The following FCRL6 variants were observed in gnomAD, a reference collection of about 807,000 sequenced individuals.
FCRL6 encodes Fc receptor-like protein 6.
In FCRL6, 50 loss-of-function variants were observed where a neutral mutation model predicts 49.1. That is an observed-to-expected ratio of 1.02 (90% CI 0.81 to 1.29). FCRL6 has a LOEUF of 1.29. Among genes scored for constraint, FCRL6 ranks in the 50% most tolerant of loss-of-function variants. FCRL6 has a pLI of 0.00. For synonymous variants in FCRL6, 213 were observed against 199.6 expected, an observed-to-expected ratio of 1.07 and a Z score of -0.57; for missense variants, 571 against 518.5, an observed-to-expected ratio of 1.10 and a Z score of -0.98.
chr1:159,815,574 G>T lies in FCRL6; in HGVS notation c.1218G>T (p.Gln406His). Residue 406 changes from glutamine (Q) to histidine (H), a missense_variant, in exon 10 of 10, where the codon CAG (glutamine) becomes CAT (histidine). Gln to His is a conservative substitution (Grantham distance 24). Coordinates refer to ENST00000368106, the MANE Select transcript of FCRL6 (RefSeq NM_001004310.3). ...TCTGTGCGGAGGTGAGATGCCTGCA[G>T]CCCAGTGAGGTTTCATCCACGGAGG... ...SIICAEVRCL[Q>H]PSEVSSTEVN... 9 of 1,614,212 alleles carry T rather than the reference G, an allele frequency of 5.6e-6. No individual in the cohort carries two copies. The highest frequency in any genetic ancestry group is 6.8e-6 in the Non-Finnish European group (8 of 1,180,028).
In FCRL6 at chr1:159,802,408, G is replaced by C. The variant is rs371396895; in HGVS notation, c.-17G>C. ...GTTTCTGACCTGTGTTCCCTCCGCT[G>C]TGCCAGAACAGGCCCCATGCTGCTC... On this transcript the variant is annotated 5_prime_UTR_variant, in exon 1 of 10. Coordinates refer to ENST00000368106, the MANE Select transcript of FCRL6 (RefSeq NM_001004310.3). 3.4e-4 allele frequency: 541 copies of C among 1,613,752 alleles called. 3 individuals are homozygous for C. The South Asian group carries it at 5.6e-3, about 17-fold the overall frequency.
In FCRL6 at chr1:159,809,206, G is replaced by A. The variant is rs1571102701; in HGVS notation, c.565G>A (p.Val189Ile). 2 of 1,587,754 alleles carry A rather than the reference G, an allele frequency of 1.3e-6. No individual in the cohort carries two copies. Among genetic ancestry groups the A allele is most frequent in the African/African-American group, 1.4e-5 (1 of 74,044 alleles). ...TGAGGTGGCCCCTGAGGGTGGCCAG[G>A]TCCAGAAGCAGAGCCCCCAGCTGGA... Reference protein sequence around the residue: ...WCEVAPEGGQVQKQSPQLEVR... With the variant: ...WCEVAPEGGQIQKQSPQLEVR... The change falls in exon 4 of 10, where the codon GTC (valine) becomes ATC (isoleucine). Residue 189 changes from valine to isoleucine, a missense_variant. Coordinates refer to ENST00000368106, the MANE Select transcript of FCRL6 (RefSeq NM_001004310.3).
chr1:159,813,044 C>T (rs533356451), intron 6 of FCRL6, among the ~76,000 whole-genome samples: 9 of 152,290 alleles, frequency 5.9e-5, no homozygotes, highest in South Asian at 4.1e-4. Context: ...AACCATTAGA[C>T]GCCAAAGAAT....
At chr1:159,805,618 C>T (rs1206206492) in intron 1 of FCRL6, among the ~76,000 whole-genome samples, 1 of 152,190 alleles carries the variant, frequency 6.6e-6, no homozygotes, top group African/African-American at 2.4e-5. Context: ...GCCCCTCTTC[C>T]CAGGTCACCT....
At position 159,815,583 on chromosome 1, in the gene FCRL6, G is replaced by A. The variant is rs755171547; in HGVS notation, c.1227G>A (p.Glu409=). 3.7e-6 allele frequency: 6 copies of A among 1,614,170 alleles called. No homozygotes were observed. Among genetic ancestry groups the A allele is most frequent in the South Asian group, 3.3e-5 (3 of 91,088 alleles). The change falls in exon 10 of 10, where the codon GAG becomes GAA. Residue 409 remains glutamate, a synonymous_variant. Transcript: ENST00000368106. ...CAEVRCLQPS[E]VSSTEVNMRS... is the part of the protein sequence containing the mutation. ...AGGTGAGATGCCTGCAGCCCAGTGA[G>A]GTTTCATCCACGGAGGTGAATATGA... is the stretch of plus-strand genomic sequence containing the variant.
In FCRL6 at chr1:159,802,374, C is replaced by T; in HGVS notation, c.-51C>T. 1 of 1,610,752 alleles carries T rather than the reference C, an allele frequency of 6.2e-7. No homozygotes were observed. The highest frequency in any genetic ancestry group is 8.5e-7 in the Non-Finnish European group (1 of 1,178,134). ...GCCTGGTTGCTCTCTGCCGGCTTCG[C>T]CCTGACCTGTTTCTGACCTGTGTTC... On this transcript the variant is annotated 5_prime_UTR_variant, in exon 1 of 10. Coordinates refer to ENST00000368106, the MANE Select transcript of FCRL6 (RefSeq NM_001004310.3).
At chr1:159,806,537 C>T in intron 1 of FCRL6, 59 bp from the exon 2 acceptor site, 1 of 1,508,546 alleles carries the variant, frequency 6.6e-7, no homozygotes, top group South Asian at 1.1e-5. Flanking sequence ...TGACAGGCCT[C>T]CTTGTCAGAA....
At chr1:159,810,298 A>G in intron 6 of FCRL6, 82 bp downstream of exon 6, 1 of 1,484,618 alleles carries the variant, frequency 6.7e-7, no homozygotes, top group Admixed American at 2.2e-5. Flanking sequence ...AGAGTCTGAC[A>G]GGACCAGCCA....
chr1:159,814,398 C>A, intron 8 of FCRL6, 106 bp downstream of exon 8: 1 of 780,646 alleles, frequency 1.3e-6, no homozygotes, highest in Non-Finnish European at 2.2e-6. Flanking sequence ...TTACTGTGAC[C>A]ACCATCACTA....
chr1:159,815,396 A>G (rs376500060), intron 8 of FCRL6, 32 bp from the exon 9 acceptor site: 2 of 1,605,702 alleles, frequency 1.2e-6, no homozygotes, highest in African/African-American at 2.7e-5. Flanking sequence ...TGGAGCACAG[A>G]GACCTGACCT....
intron 1 of FCRL6, 124 bp from the exon 2 acceptor site, chr1:159,806,472 G>A (rs1369338620): frequency 7.3e-6 from 6 of 827,526 alleles, no homozygotes; most frequent in East Asian, 4.8e-5. Flanking sequence ...TGGGTGGCTA[G>A]GAGGTTTGGT....
intron 8 of FCRL6, 116 bp from the exon 9 acceptor site, chr1:159,815,312 C>G: frequency 9.2e-7 from 1 of 1,087,696 alleles, no homozygotes; most frequent in East Asian, 2.6e-5. Flanking sequence ...AAAGGAATCT[C>G]CCCTGGCTGG....
Position 159,802,468 on chromosome 1 carries a change from G to A in FCRL6, c.31+13G>A. 1 of 1,612,176 alleles carries A rather than the reference G, an allele frequency of 6.2e-7. No homozygotes were observed. Among genetic ancestry groups the A allele is most frequent in the Non-Finnish European group, 8.5e-7 (1 of 1,178,570 alleles). ...GTGCTGCTCTTTGGTAAGTCAACGA[G>A]CATGGGCATCCCCTCTTGGAGCACT... On this transcript the variant is annotated intron_variant, in intron 1 of 9. Coordinates refer to ENST00000368106, the MANE Select transcript of FCRL6 (RefSeq NM_001004310.3).
chr1:159,809,217 G>T lies in FCRL6; in HGVS notation c.576G>T (p.Gln192His), dbSNP rs1220215745. The T allele has an allele frequency of 6.3e-7, 1 of 1,580,442 alleles. No homozygotes were observed. ...VAPEGGQVQK[Q>H]SPQLEVRVQA... ...CTGAGGGTGGCCAGGTCCAGAAGCA[G>T]AGCCCCCAGCTGGAGGTCAGAGTGC... is the stretch of plus-strand genomic sequence containing the variant. Residue 192 changes from glutamine (Q) to histidine (H), a missense_variant, in exon 4 of 10, where the codon CAG (glutamine) becomes CAT (histidine). By Grantham distance (24) the Gln-to-His change is conservative. Coordinates refer to ENST00000368106, the MANE Select transcript of FCRL6 (RefSeq NM_001004310.3).
At position 159,807,987 on chromosome 1, in the gene FCRL6, G is replaced by C. The variant is rs1225436727; in HGVS notation, c.53-191G>C. ...AAGAGGAAGGAGAGAAGAAGGAAAG[G>C]AAGGAGGAGTAAAGGAAGTCCAGGT... is the stretch of plus-strand genomic sequence containing the variant. On this transcript the variant is annotated intron_variant, in intron 2 of 9. Transcript: ENST00000368106. Among the ~76,000 whole-genome samples, 4 of 151,986 alleles carry C rather than the reference G, an allele frequency of 2.6e-5. No individual in the cohort carries two copies. The East Asian group carries it at 7.7e-4, about 29-fold the overall frequency.
rs907175730 is a variant in FCRL6, at chr1:159,809,413, C to T, written c.616C>T (p.Arg206Cys). The change falls in exon 5 of 10, where the codon CGT becomes TGT. Residue 206 changes from arginine to cysteine, a missense_variant. By Grantham distance (180) the Arg-to-Cys change is radical. Coordinates refer to ENST00000368106, the MANE Select transcript of FCRL6 (RefSeq NM_001004310.3). ...CATGTGTGTCCCAGCTCCTGTATCC[C>T]GTCCTGTGCTCACTCTGCACCACGG... ...LEVRVQAPVS[R>C]PVLTLHHGPA... The T allele has an allele frequency of 8.1e-6, 13 of 1,604,154 alleles. No individual in the cohort carries two copies. Among genetic ancestry groups the T allele is most frequent in the African/African-American group, 2.7e-5 (2 of 74,886 alleles).
At chr1:159,805,365 T>G (rs887853411) in intron 1 of FCRL6, among the ~76,000 whole-genome samples, 4 of 138,116 alleles carry the variant, frequency 2.9e-5, no homozygotes, top group Non-Finnish European at 5.9e-5. Flanking sequence ...ATTCTTGCAT[T>G]TTTTTTTTGG....
chr1:159,802,688 T>G (rs1662416000), intron 1 of FCRL6, among the ~76,000 whole-genome samples: 1 of 152,196 alleles, frequency 6.6e-6, no homozygotes, highest in African/African-American at 2.4e-5. Context: ...CCCTTTGATA[T>G]GTCAGAGATA....
intron 7 of FCRL6, 77 bp downstream of exon 7, chr1:159,813,631 C>T (rs1663215538): frequency 8.1e-7 from 1 of 1,239,348 alleles, no homozygotes; most frequent in African/African-American, 1.5e-5. Flanking sequence ...GAAGGGAGCT[C>T]TCCAGAGCCC....
Sources: gnomAD v4.1 joint callset for allele counts (sites outside exome capture counted in the v4.1 genomes callset) on GRCh38, gnomAD v4.1.1 for gene constraint, MANE v1.5 for transcripts, NCBI Gene and HGNC (gene_info 2026-07-23, HGNC 2026-07-21) for gene names.